Variants in HACE1 observed in about 807,000 individuals in gnomAD.
HACE1 encodes E3 ubiquitin-protein ligase HACE1.
In HACE1, 73 loss-of-function variants were observed where a neutral mutation model predicts 118.4. That is an observed-to-expected ratio of 0.62 (90% CI 0.51 to 0.75). HACE1 has a LOEUF of 0.75. Among genes scored for constraint, HACE1 ranks in the 30% least tolerant of loss-of-function variants. HACE1 has a pLI of 0.00. For synonymous variants in HACE1, 368 were observed against 374.8 expected (o/e 0.98, Z 0.21); for missense variants, 749 against 1,102.2 (o/e 0.68, Z 4.54).
At position 104,811,242 on chromosome 6, in the gene HACE1, T is replaced by TATATATATA. The variant is rs1177876499; in HGVS notation, c.617+68_617+69insTATATATAT. On this transcript the variant is annotated intron_variant, in intron 7 of 23. Coordinates refer to ENST00000262903, the MANE Select transcript of HACE1 (RefSeq NM_020771.4). ...TCTGGAAATATATATATTTCTTTATTTATACATATATATATATATATATAT... is the reference window on the plus strand; with the variant it reads ...TCTGGAAATATATATATTTCTTTATTATATATATATATACATATATATATATATATATAT... The TATATATATA allele has an allele frequency of 8.0e-3, 1,530 of 191,832 alleles. 26 individuals are homozygous for TATATATATA. The highest frequency in any genetic ancestry group is 0.031 in the African/African-American group (809 of 26,460). 11.9% of individuals were successfully genotyped at this position (191,832 alleles called of 1,614,324 possible). A position where few individuals can be genotyped will look rare whatever the true frequency, so the allele number is the denominator to read the frequency against.
At chr6:104,826,649 C>T (rs983794933) in intron 6 of HACE1, among the ~76,000 whole-genome samples, 5 of 152,130 alleles carry the variant, frequency 3.3e-5, no homozygotes, top group Admixed American at 6.5e-5. Context: ...AATGCAAACA[C>T]GTAAAAGCAT....
chr6:104,775,051 A>C (rs1244075978), intron 17 of HACE1, among the ~76,000 whole-genome samples: 1 of 152,190 alleles, frequency 6.6e-6, no homozygotes, highest in Non-Finnish European at 1.5e-5. Context: ...AAGATAAATC[A>C]AAATGTTTGG....
chr6:104,756,645 T>C (rs1038929000), intron 19 of HACE1, among the ~76,000 whole-genome samples: 1 of 151,950 alleles, frequency 6.6e-6, no homozygotes, highest in African/African-American at 2.4e-5. Flanking sequence ...AGATGGGTGA[T>C]GTCTGCATTT....
At chr6:104,835,484 G>A (rs1180943213) in intron 5 of HACE1, among the ~76,000 whole-genome samples, 1 of 152,034 alleles carries the variant, frequency 6.6e-6, no homozygotes, top group African/African-American at 2.4e-5. Context: ...ATAGAGACGT[G>A]CAAACTCAAA....
At chr6:104,850,648 C>T (rs965495743) in intron 3 of HACE1, among the ~76,000 whole-genome samples, 5 of 152,104 alleles carry the variant, frequency 3.3e-5, no homozygotes, top group African/African-American at 1.2e-4. Context: ...GTAAGTACAT[C>T]CAGGAAAGAC....
chr6:104,773,688 C>T (rs928166676), intron 17 of HACE1, among the ~76,000 whole-genome samples: 1 of 151,886 alleles, frequency 6.6e-6, no homozygotes. Flanking sequence ...CTACTTTCCT[C>T]CCCTAGCTCT....
chr6:104,780,994 T>C (rs1259788714), intron 14 of HACE1, among the ~76,000 whole-genome samples: 3 of 152,200 alleles, frequency 2.0e-5, no homozygotes, highest in African/African-American at 7.2e-5. Flanking sequence ...GTGTGTATCC[T>C]TGGCAAGAAT....
intron 7 of HACE1, among the ~76,000 whole-genome samples, chr6:104,807,353 G>A (rs1320517123): frequency 6.6e-6 from 1 of 152,022 alleles, no homozygotes; most frequent in Non-Finnish European, 1.5e-5. Context: ...TGGCTACTTT[G>A]ATTTTGAATA....
Position 104,777,327 on chromosome 6 carries a change from AAAAT to A in HACE1, c.1567-14_1567-11del. ...AGCGATCTTTAAAAGGCTAGCTCAAAAAATAAGAGTAAAATATGTTAGCAGTGTA... is the reference window on the plus strand; with the variant it reads ...AGCGATCTTTAAAAGGCTAGCTCAAAAAGAGTAAAATATGTTAGCAGTGTA... On this transcript the variant is annotated splice_polypyrimidine_tract_variant and intron_variant, in intron 14 of 23. Transcript: ENST00000262903. 1 of 1,520,220 alleles carries A rather than the reference AAAAT, an allele frequency of 6.6e-7. No individual in the cohort carries two copies. The highest frequency in any genetic ancestry group is 9.1e-7 in the Non-Finnish European group (1 of 1,094,280). The allele number at this position is 1,520,220 out of a possible 1,614,324, so 94.2% of individuals were successfully genotyped here.
At chr6:104,831,256 C>G (rs1562468037) in intron 6 of HACE1, 1 of 152,126 alleles carries the variant, frequency 6.6e-6, no homozygotes, top group Admixed American at 6.5e-5. Context: ...AAAGCATTGT[C>G]ATAAAACAAA....
chr6:104,827,840 G>A (rs1055483463), intron 6 of HACE1, among the ~76,000 whole-genome samples: 1 of 152,076 alleles, frequency 6.6e-6, no homozygotes, highest in Non-Finnish European at 1.5e-5. Flanking sequence ...AGTCAGTTCT[G>A]TCTAATATAG....
At chr6:104,833,018 T>C (rs1280781035) in intron 6 of HACE1, 24 bp downstream of exon 6, 5 of 1,607,156 alleles carry the variant, frequency 3.1e-6, no homozygotes, top group Non-Finnish European at 4.3e-6. Flanking sequence ...ACATGCAGCT[T>C]AAAGTCCTCA....
intron 7 of HACE1, among the ~76,000 whole-genome samples, chr6:104,803,245 C>A (rs1409791853): frequency 3.9e-5 from 6 of 152,130 alleles, no homozygotes; most frequent in Non-Finnish European, 8.8e-5. Flanking sequence ...GGATTCACAG[C>A]CGAATTCTAC....
chr6:104,827,357 T>C (rs1164401569), intron 6 of HACE1, among the ~76,000 whole-genome samples: 3 of 152,196 alleles, frequency 2.0e-5, no homozygotes, highest in Admixed American at 6.5e-5. Flanking sequence ...ACATGAGTTA[T>C]GGCAATGCAC....
intron 20 of HACE1, among the ~76,000 whole-genome samples, chr6:104,748,641 G>C (rs1777706872): frequency 6.6e-6 from 1 of 152,126 alleles, no homozygotes; most frequent in Non-Finnish European, 1.5e-5. Context: ...AGCAGTACTT[G>C]AAAGAGCCTG....
intron 6 of HACE1, among the ~76,000 whole-genome samples, chr6:104,825,828 T>G (rs909844966): frequency 6.6e-6 from 1 of 152,216 alleles, no homozygotes; most frequent in African/African-American, 2.4e-5. Context: ...GTGTATTTTG[T>G]CCAATTCTTT....
chr6:104,827,295 C>A (rs995867818), intron 6 of HACE1, among the ~76,000 whole-genome samples: 1 of 152,048 alleles, frequency 6.6e-6, no homozygotes, highest in African/African-American at 2.4e-5. Context: ...TAAAAGGAGA[C>A]CAAACAACAA....
Position 104,730,160 on chromosome 6 carries a change from T to C in HACE1, c.2627+143A>G, listed in dbSNP as rs1037614043. 24 of 673,814 alleles carry C rather than the reference T, an allele frequency of 3.6e-5. No individual in the cohort carries two copies. In the African/African-American group the frequency reaches 3.9e-4, roughly 11 times the overall value. 41.7% of individuals were successfully genotyped at this position (673,814 alleles called of 1,614,324 possible). A position where few individuals can be genotyped will look rare whatever the true frequency, so the allele number is the denominator to read the frequency against. ...AAAAACAGGGGCACAAAAAACTACA[T>C]AATTACTCATCAGTGATTCCAAAAT... is the stretch of plus-strand genomic sequence containing the variant. On this transcript the variant is annotated intron_variant, in intron 23 of 23. Coordinates refer to ENST00000262903, the MANE Select transcript of HACE1 (RefSeq NM_020771.4).
intron 11 of HACE1, 135 bp from the exon 12 acceptor site, chr6:104,785,454 T>C: frequency 4.6e-6 from 3 of 650,952 alleles, no homozygotes. Flanking sequence ...CAAGTTAACG[T>C]GATAGTAATG....
Sources: gnomAD v4.1 joint callset for allele counts (sites outside exome capture counted in the v4.1 genomes callset) on GRCh38, gnomAD v4.1.1 for gene constraint, MANE v1.5 for transcripts, NCBI Gene and HGNC (gene_info 2026-07-23, HGNC 2026-07-21) for gene names.